SYNDIG1L: variants seen among roughly 807,000 people sequenced by gnomAD.
SYNDIG1L encodes synapse differentiation-inducing gene protein 1-like.
In SYNDIG1L, 13 loss-of-function variants were observed where a neutral mutation model predicts 20.1. That is an observed-to-expected ratio of 0.65 (90% CI 0.42 to 1.03). The LOEUF (loss-of-function observed/expected upper bound fraction) is 1.03. Ranked by LOEUF, SYNDIG1L falls within the 50% of genes least tolerant of loss-of-function variation. SYNDIG1L has a pLI of 0.00. For synonymous variants in SYNDIG1L, 128 were observed against 129.3 expected, an observed-to-expected ratio of 0.99 and a Z score of 0.07; for missense variants, 294 against 305.1, an observed-to-expected ratio of 0.96 and a Z score of 0.27.
chr14:74,451,984 TAAAAAAAAA>T, the SYNDIG1L span, among the ~76,000 whole-genome samples: 1 of 65,248 alleles, frequency 1.5e-5, no homozygotes, highest in African/African-American at 6.6e-5. Flanking sequence ...AGACTTTGTC[TAAAAAAAAA>T]AAAAAAAAAA....
At chr14:74,443,982 G>C in the SYNDIG1L span, among the ~76,000 whole-genome samples, 1 of 152,196 alleles carries the variant, frequency 6.6e-6, no homozygotes, top group Admixed American at 6.5e-5. Context: ...GCAGCTCTTA[G>C]AGCCCTGTGT....
chr14:74,422,653 T>TCACACACACACACACACACACACACACA (rs34711949), intron 1 of SYNDIG1L, among the ~76,000 whole-genome samples: 1 of 140,394 alleles, frequency 7.1e-6, no homozygotes, highest in East Asian at 2.2e-4. Flanking sequence ...ATCTCTCTCT[T>TCACACACACACACACACACACACACACA]CACACACACA....
chr14:74,456,270 C>T, the SYNDIG1L span, among the ~76,000 whole-genome samples: 3 of 152,220 alleles, frequency 2.0e-5, no homozygotes, highest in Non-Finnish European at 4.4e-5. Context: ...TGCCTCATGC[C>T]TGTAATCCCA....
At chr14:74,426,704 T>C (rs995102391), upstream of SYNDIG1L, among the ~76,000 whole-genome samples, 22 of 150,398 alleles carry the variant, frequency 1.5e-4, no homozygotes, top group South Asian at 4.7e-3. Context: ...CCTCTTCCCC[T>C]CTTCCCCTCC....
the SYNDIG1L span, among the ~76,000 whole-genome samples, chr14:74,459,214 A>G: frequency 1.3e-5 from 2 of 152,232 alleles, no homozygotes; most frequent in East Asian, 3.9e-4. Flanking sequence ...AGCAGGAGAC[A>G]GGGATGCATA....
the SYNDIG1L span, among the ~76,000 whole-genome samples, chr14:74,449,861 A>G: frequency 6.6e-6 from 1 of 152,132 alleles, no homozygotes; most frequent in African/African-American, 2.4e-5. Flanking sequence ...TAAATAGAAG[A>G]AAGGAAATAA....
At chr14:74,455,325 G>T in the SYNDIG1L span, among the ~76,000 whole-genome samples, 1 of 151,886 alleles carries the variant, frequency 6.6e-6, no homozygotes, top group African/African-American at 2.4e-5. Flanking sequence ...GCCTCACCTG[G>T]CTCCACTCTC....
At chr14:74,480,021 T>TAA in the SYNDIG1L span, 7 of 1,380,880 alleles carry the variant, frequency 5.1e-6, no homozygotes, top group Admixed American at 2.7e-5. Context: ...TTAATGTTGT[T>TAA]AAAAAAAAAA....
At chr14:74,420,068 G>A (rs1037397313) in intron 1 of SYNDIG1L, among the ~76,000 whole-genome samples, 2 of 152,114 alleles carry the variant, frequency 1.3e-5, no homozygotes, top group African/African-American at 4.8e-5. Flanking sequence ...GGTGAGAATG[G>A]AGGCTAGGAG....
At chr14:74,456,728 T>A in the SYNDIG1L span, among the ~76,000 whole-genome samples, 1 of 152,110 alleles carries the variant, frequency 6.6e-6, no homozygotes, top group Non-Finnish European at 1.5e-5. Context: ...GAAACCACTG[T>A]CCAGGAGCCT....
At chr14:74,462,485 A>G in the SYNDIG1L span, among the ~76,000 whole-genome samples, 1 of 152,032 alleles carries the variant, frequency 6.6e-6, no homozygotes, top group African/African-American at 2.4e-5. Context: ...CGCTATCTCA[A>G]AAGAAAAAAA....
chr14:74,430,435 G>A (rs1038659741), upstream of SYNDIG1L, among the ~76,000 whole-genome samples: 2 of 122,384 alleles, frequency 1.6e-5, no homozygotes, highest in Non-Finnish European at 3.4e-5. Flanking sequence ...GGAAGAATAC[G>A]CATTCTTTTT....
chr14:74,438,488 A>G, the SYNDIG1L span, among the ~76,000 whole-genome samples: 2 of 152,094 alleles, frequency 1.3e-5, no homozygotes, highest in African/African-American at 4.8e-5. Context: ...CTATTTCTCA[A>G]ACTCACCCCA....
At chr14:74,425,757 G>T (rs2086259283) in intron 1 of SYNDIG1L, among the ~76,000 whole-genome samples, 155 bp downstream of exon 1, 1 of 152,170 alleles carries the variant, frequency 6.6e-6, no homozygotes, top group Non-Finnish European at 1.5e-5. Context: ...TGAGGGGTAG[G>T]GAGGGACGAA....
chr14:74,472,992 T>C, the SYNDIG1L span, among the ~76,000 whole-genome samples: 444 of 152,320 alleles, frequency 2.9e-3, no homozygotes, highest in African/African-American at 1.0e-2. Context: ...TCACCAAGTA[T>C]GCTTACTCAG....
chr14:74,451,406 T>C, the SYNDIG1L span, among the ~76,000 whole-genome samples: 2 of 152,226 alleles, frequency 1.3e-5, no homozygotes, highest in Admixed American at 1.3e-4. Context: ...CCTTATACTT[T>C]ATATAAAGAT....
At chr14:74,452,995 T>C in the SYNDIG1L span, among the ~76,000 whole-genome samples, 10 of 152,184 alleles carry the variant, frequency 6.6e-5, no homozygotes, top group Non-Finnish European at 1.2e-4. Flanking sequence ...GTACATACAG[T>C]ATTACTCCAT....
the SYNDIG1L span, among the ~76,000 whole-genome samples, chr14:74,471,672 T>G: frequency 6.6e-6 from 1 of 152,086 alleles, no homozygotes; most frequent in Non-Finnish European, 1.5e-5. Context: ...AGTGAGTTGT[T>G]TGCTATGGAT....
chr14:74,432,180 T>TGTGTGTGTGTGTGTGTGTGTGTGA, the SYNDIG1L span, among the ~76,000 whole-genome samples: 1 of 124,072 alleles, frequency 8.1e-6, no homozygotes, highest in African/African-American at 3.2e-5. Flanking sequence ...TGTGTGTGTG[T>TGTGTGTGTGTGTGTGTGTGTGTGA]GAGAGAGAGA....
Sources: gnomAD v4.1 joint callset for allele counts (sites outside exome capture counted in the v4.1 genomes callset) on GRCh38, gnomAD v4.1.1 for gene constraint, MANE v1.5 for transcripts, NCBI Gene and HGNC (gene_info 2026-07-23, HGNC 2026-07-21) for gene names.